Variants in SGCZ observed in about 807,000 individuals in gnomAD.
SGCZ encodes the protein sarcoglycan zeta.
A neutral mutation model predicts 41.3 loss-of-function variants in SGCZ; 40 were observed. That is an observed-to-expected ratio of 0.97 (90% CI 0.75 to 1.26). SGCZ has a LOEUF of 1.26. Ranked by LOEUF, SGCZ falls within the 50% of genes most tolerant of loss-of-function variation. The probability of loss-of-function intolerance (pLI) is 0.00; values close to 1 mark genes in which losing one functional copy is unlikely to be tolerated. For synonymous variants in SGCZ, 206 were observed against 137.5 expected (o/e 1.50, Z -3.49); for missense variants, 552 against 369.8 (o/e 1.49, Z -4.04).
intron 1 of SGCZ, among the ~76,000 whole-genome samples, chr8:14,991,355 G>C (rs536209061): frequency 3.3e-5 from 5 of 152,104 alleles, no homozygotes; most frequent in Non-Finnish European, 5.9e-5. Flanking sequence ...AAAGTGTTAG[G>C]CTCACTTCTG....
intron 1 of SGCZ, among the ~76,000 whole-genome samples, chr8:14,880,809 C>T (rs987483574): frequency 1.3e-5 from 2 of 151,896 alleles, no homozygotes; most frequent in African/African-American, 4.8e-5. Context: ...GTTGTGGGGT[C>T]AGGGGATGGG....
chr8:14,242,379 C>T (rs573971036), intron 3 of SGCZ, among the ~76,000 whole-genome samples: 58 of 152,276 alleles, frequency 3.8e-4, no homozygotes, highest in Admixed American at 1.3e-3. Context: ...AAACCATCCA[C>T]GAAGGGTCAA....
intron 1 of SGCZ, among the ~76,000 whole-genome samples, chr8:14,813,945 T>A (rs887107527): frequency 1.8e-4 from 27 of 151,118 alleles, no homozygotes; most frequent in African/African-American, 6.7e-4. Context: ...AGAGTGAGAC[T>A]ATGTCTCAAA....
intron 2 of SGCZ, among the ~76,000 whole-genome samples, chr8:14,352,262 T>C (rs1803127092): frequency 6.6e-6 from 1 of 152,014 alleles, no homozygotes; most frequent in Non-Finnish European, 1.5e-5. Context: ...CAGTATCAGC[T>C]ACTGAGTGAG....
At chr8:15,151,814 C>A (rs1011492774) in intron 1 of SGCZ, among the ~76,000 whole-genome samples, 6 of 152,154 alleles carry the variant, frequency 3.9e-5, no homozygotes, top group African/African-American at 1.2e-4. Flanking sequence ...CCAACAGTAA[C>A]CCTGTTTTTC....
At chr8:14,174,426 T>C (rs932763816) in intron 4 of SGCZ, among the ~76,000 whole-genome samples, 2 of 152,090 alleles carry the variant, frequency 1.3e-5, no homozygotes, top group East Asian at 1.9e-4. Flanking sequence ...CACTTGATCA[T>C]ACATGTACTT....
chr8:14,477,456 C>A (rs879260670), intron 2 of SGCZ, among the ~76,000 whole-genome samples: 2 of 151,988 alleles, frequency 1.3e-5, no homozygotes, highest in Non-Finnish European at 2.9e-5. Context: ...TTTTTATTAT[C>A]CTATTAGTAT....
chr8:14,850,011 G>T (rs1288040141), intron 1 of SGCZ, among the ~76,000 whole-genome samples: 1 of 152,064 alleles, frequency 6.6e-6, no homozygotes, highest in African/African-American at 2.4e-5. Context: ...CTACTGAATA[G>T]CCCTATTATG....
At chr8:14,514,704 C>T (rs897547300) in intron 2 of SGCZ, among the ~76,000 whole-genome samples, 2 of 147,152 alleles carry the variant, frequency 1.4e-5, no homozygotes, top group Non-Finnish European at 3.0e-5. Context: ...CATATATGTA[C>T]ACACATTTAC....
intron 3 of SGCZ, among the ~76,000 whole-genome samples, chr8:14,295,666 T>C (rs1563241365): frequency 6.6e-6 from 1 of 152,090 alleles, no homozygotes; most frequent in South Asian, 2.1e-4. Flanking sequence ...ATGTGACATA[T>C]TAAAAAATGA....
At chr8:15,191,026 T>C (rs1014192111) in intron 1 of SGCZ, among the ~76,000 whole-genome samples, 2 of 152,032 alleles carry the variant, frequency 1.3e-5, no homozygotes, top group Admixed American at 6.6e-5. Context: ...TCTTCTATTA[T>C]AAAAATCAAG....
At chr8:14,420,307 C>G (rs1799604925) in intron 2 of SGCZ, among the ~76,000 whole-genome samples, 1 of 151,928 alleles carries the variant, frequency 6.6e-6, no homozygotes, top group African/African-American at 2.4e-5. Flanking sequence ...TATATTATAA[C>G]TTACTCAAAA....
At chr8:14,850,644 A>G (rs1428736901) in intron 1 of SGCZ, among the ~76,000 whole-genome samples, 2 of 152,190 alleles carry the variant, frequency 1.3e-5, no homozygotes, top group African/African-American at 4.8e-5. Context: ...AACATGTATG[A>G]CATGGTTAGG....
At chr8:14,916,709 G>A (rs1172561356) in intron 1 of SGCZ, among the ~76,000 whole-genome samples, 3 of 152,132 alleles carry the variant, frequency 2.0e-5, no homozygotes, top group South Asian at 2.1e-4. Context: ...ATCTAGACAC[G>A]AGTAAAGTTC....
chr8:14,936,589 G>A (rs938886090), intron 1 of SGCZ, among the ~76,000 whole-genome samples: 2 of 151,440 alleles, frequency 1.3e-5, no homozygotes, highest in African/African-American at 2.4e-5. Context: ...CATAAGTCAG[G>A]GACCATTTAT....
chr8:14,276,735 G>A (rs559827015), intron 3 of SGCZ, among the ~76,000 whole-genome samples: 10 of 152,050 alleles, frequency 6.6e-5, no homozygotes, highest in South Asian at 2.1e-4. Context: ...TTAATTCTAC[G>A]CCACCACTCT....
intron 1 of SGCZ, among the ~76,000 whole-genome samples, chr8:14,988,628 A>G (rs1801905719): frequency 6.6e-6 from 1 of 152,044 alleles, no homozygotes; most frequent in Admixed American, 6.6e-5. Flanking sequence ...TCAATGCAGT[A>G]CAACATATTA....
intron 2 of SGCZ, among the ~76,000 whole-genome samples, chr8:14,494,835 C>A (rs1033242439): frequency 6.6e-6 from 1 of 152,070 alleles, no homozygotes; most frequent in African/African-American, 2.4e-5. Flanking sequence ...AGACATAAAC[C>A]TTACTATTTA....
chr8:14,190,010 C>CTTTTTT (rs1397799185), intron 4 of SGCZ, among the ~76,000 whole-genome samples: 46 of 68,464 alleles, frequency 6.7e-4, no homozygotes, highest in African/African-American at 9.9e-4. Context: ...TTCTTTCTTT[C>CTTTTTT]TTTCTTTTTT....
Sources: allele counts gnomAD v4.1 joint callset (sites outside exome capture counted in the v4.1 genomes callset), GRCh38; gene constraint gnomAD v4.1.1; transcripts MANE v1.5; gene names NCBI Gene and HGNC (gene_info 2026-07-23, HGNC 2026-07-21).